XRCC4: variants seen among roughly 807,000 people sequenced by gnomAD.
XRCC4 encodes X-ray repair cross complementing 4, also known as DNA repair protein XRCC4.
A neutral mutation model predicts 39.1 loss-of-function variants in XRCC4; 28 were observed. The ratio of observed to expected loss-of-function variants is 0.72; its 90% CI spans 0.53 to 0.98. The LOEUF (loss-of-function observed/expected upper bound fraction) is 0.98, where lower values mean the gene tolerates loss of function less well. Among genes scored for constraint, XRCC4 ranks in the 50% least tolerant of loss-of-function variants. The probability of loss-of-function intolerance (pLI) is 0.00; values close to 1 mark genes in which losing one functional copy is unlikely to be tolerated. For missense variants in XRCC4, 350 were observed against 376.4 expected, an observed-to-expected ratio of 0.93 and a Z score of 0.58; for synonymous variants, 123 against 126.4, an observed-to-expected ratio of 0.97 and a Z score of 0.18.
intron 3 of XRCC4, among the ~76,000 whole-genome samples, chr5:83,159,208 AT>A (rs1450657475): frequency 6.6e-6 from 1 of 152,182 alleles, no homozygotes; most frequent in Non-Finnish European, 1.5e-5. Context: ...AAAAATAATA[AT>A]TATTCATTTC....
At chr5:83,262,838 CTT>C (rs72274529) in intron 7 of XRCC4, among the ~76,000 whole-genome samples, 47 of 119,456 alleles carry the variant, frequency 3.9e-4, no homozygotes, top group South Asian at 2.1e-3. Context: ...TTATCACAGT[CTT>C]TTTTTTTTTT....
At chr5:83,147,839 G>A (rs751256552) in intron 3 of XRCC4, among the ~76,000 whole-genome samples, 14 of 151,030 alleles carry the variant, frequency 9.3e-5, no homozygotes, top group Non-Finnish European at 8.8e-5. Context: ...TGCCCAGGCT[G>A]GGGTGCAGTG....
chr5:83,369,773 T>C, the XRCC4 span, among the ~76,000 whole-genome samples: 36 of 152,308 alleles, frequency 2.4e-4, no homozygotes, highest in East Asian at 3.9e-3. Context: ...TACCCAGTAA[T>C]GGGATTGCTG....
chr5:83,143,457 A>G (rs904907238), intron 3 of XRCC4, among the ~76,000 whole-genome samples: 25 of 152,212 alleles, frequency 1.6e-4, no homozygotes, highest in African/African-American at 5.8e-4. Context: ...CTAAAAAAAT[A>G]AAATTATAAG....
intron 3 of XRCC4, among the ~76,000 whole-genome samples, chr5:83,179,603 T>G (rs1014294619): frequency 3.9e-5 from 6 of 152,120 alleles, no homozygotes; most frequent in African/African-American, 1.4e-4. Flanking sequence ...GCCAAAAAAA[T>G]GTCTTCTATG....
intron 4 of XRCC4, among the ~76,000 whole-genome samples, chr5:83,199,349 G>A (rs937683347): frequency 6.6e-6 from 1 of 152,050 alleles, no homozygotes; most frequent in African/African-American, 2.4e-5. Context: ...GAAAGGATGA[G>A]GAACAGCTGT....
chr5:83,107,688 A>G (rs934407529), intron 2 of XRCC4, among the ~76,000 whole-genome samples: 1 of 151,962 alleles, frequency 6.6e-6, no homozygotes, highest in Admixed American at 6.6e-5. Flanking sequence ...GGAAACTTAT[A>G]TCACCCATCT....
rs775377625 is a variant in XRCC4 at position 83,193,025 on chromosome 5, A to G, written c.316-2745A>G. Among the ~76,000 whole-genome samples the G allele has an allele frequency of 1.2e-4, 18 of 152,222 alleles. 1 individual carries two copies. Among genetic ancestry groups the G allele is most frequent in the Non-Finnish European group, 7.3e-5 (5 of 68,036 alleles). ...ATTTTCTGGCGTTAAAATGATACTT[A>G]AATTGCTGCTTTTGTTGTGAGACAG... On this transcript the variant is annotated intron_variant, in intron 3 of 7. Transcript: ENST00000396027.
intron 2 of XRCC4, among the ~76,000 whole-genome samples, chr5:83,105,944 G>A (rs1057424627): frequency 6.6e-6 from 1 of 151,654 alleles, no homozygotes; most frequent in Non-Finnish European, 1.5e-5. Context: ...TCTTTCTTGA[G>A]CGTTATGAAT....
intron 7 of XRCC4, among the ~76,000 whole-genome samples, chr5:83,331,700 C>T (rs1208723767): frequency 6.6e-6 from 1 of 152,066 alleles, no homozygotes; most frequent in Non-Finnish European, 1.5e-5. Context: ...GGTCACTAAA[C>T]ATTTTATTTC....
intron 3 of XRCC4, among the ~76,000 whole-genome samples, chr5:83,130,167 T>C (rs1225063722): frequency 6.6e-6 from 1 of 151,206 alleles, no homozygotes; most frequent in African/African-American, 2.4e-5. Flanking sequence ...ATTGAGAGTT[T>C]TTAGCATGAA....
chr5:83,127,799 G>A (rs977162712), intron 3 of XRCC4, among the ~76,000 whole-genome samples: 12 of 151,122 alleles, frequency 7.9e-5, no homozygotes, highest in South Asian at 4.2e-4. Context: ...GAATTCTATC[G>A]GATTTTATGT....
At chr5:83,207,782 A>C (rs1751477358) in intron 6 of XRCC4, among the ~76,000 whole-genome samples, 1 of 152,036 alleles carries the variant, frequency 6.6e-6, no homozygotes, top group Non-Finnish European at 1.5e-5. Flanking sequence ...ATTCTGTTGA[A>C]CACAGCTTTC....
At chr5:83,344,415 C>CTTTTTTTTTTTTTTTTT (rs70973394) in intron 7 of XRCC4, among the ~76,000 whole-genome samples, 9 of 115,240 alleles carry the variant, frequency 7.8e-5, no homozygotes, top group Admixed American at 2.8e-4. Context: ...TTATTTTTCA[C>CTTTTTTTTTTTTTTTTT]TTTTTTTTTT....
chr5:83,317,954 A>C (rs1247396839), intron 7 of XRCC4, among the ~76,000 whole-genome samples: 1 of 97,312 alleles, frequency 1.0e-5, no homozygotes, highest in Non-Finnish European at 1.8e-5. Flanking sequence ...AAAAATCCTC[A>C]ATAAAATACT....
At chr5:83,140,896 C>T (rs7727730) in intron 3 of XRCC4, among the ~76,000 whole-genome samples, 2,214 of 152,282 alleles carry the variant, frequency 0.015, 61 homozygotes, top group African/African-American at 0.051. Context: ...TGCACTCTTA[C>T]CCTACTACAC....
intron 6 of XRCC4, among the ~76,000 whole-genome samples, chr5:83,243,223 G>A (rs2112852500): frequency 6.6e-6 from 1 of 152,300 alleles, no homozygotes; most frequent in South Asian, 2.1e-4. Context: ...AAGAAGGTGA[G>A]TGAACACTTC....
At chr5:83,221,750 T>C (rs1752092280) in intron 6 of XRCC4, among the ~76,000 whole-genome samples, 1 of 151,668 alleles carries the variant, frequency 6.6e-6, no homozygotes, top group South Asian at 2.1e-4. Flanking sequence ...ATTAAGTATT[T>C]ATTTAATAAA....
At chr5:83,144,364 A>C (rs1358496103) in intron 3 of XRCC4, among the ~76,000 whole-genome samples, 1 of 150,276 alleles carries the variant, frequency 6.7e-6, no homozygotes, top group African/African-American at 2.4e-5. Context: ...CAAGTTTGTA[A>C]GGATATTTGA....
Sources: allele counts gnomAD v4.1 joint callset (sites outside exome capture counted in the v4.1 genomes callset), GRCh38; gene constraint gnomAD v4.1.1; transcripts MANE v1.5; gene names NCBI Gene and HGNC (gene_info 2026-07-23, HGNC 2026-07-21).